SEMA6D: variants seen among roughly 807,000 people sequenced by gnomAD.
SEMA6D encodes semaphorin 6D, also known as semaphorin-6D.
SEMA6D carries 35 observed loss-of-function variants against 106.6 expected under a neutral mutation model. The ratio of observed to expected loss-of-function variants is 0.33; its 90% CI spans 0.25 to 0.44. The LOEUF (loss-of-function observed/expected upper bound fraction) is 0.44. Among genes scored for constraint, SEMA6D ranks in the 20% least tolerant of loss-of-function variants. The pLI is 1.00. For missense variants in SEMA6D, 1,185 were observed against 1,345.9 expected (o/e 0.88, Z 1.87); for synonymous variants, 499 against 487.7 (o/e 1.02, Z -0.31).
intron 1 of SEMA6D, among the ~76,000 whole-genome samples, chr15:47,391,746 A>T (rs2040040858): frequency 6.6e-6 from 1 of 150,392 alleles, no homozygotes. Context: ...TTCTTGTGGG[A>T]GTCTCTACTG....
chr15:47,714,632 T>A (rs950894177), upstream of SEMA6D, among the ~76,000 whole-genome samples: 24 of 152,336 alleles, frequency 1.6e-4, no homozygotes, highest in African/African-American at 5.8e-4. Flanking sequence ...ATGTAAAGCA[T>A]TGAGCCCTTT....
intron 4 of SEMA6D, among the ~76,000 whole-genome samples, chr15:47,708,431 A>G (rs557571595): frequency 6.6e-6 from 1 of 152,296 alleles, no homozygotes; most frequent in Non-Finnish European, 1.5e-5. Flanking sequence ...CTCAGCTTAT[A>G]GGCCCCACAT....
intron 3 of SEMA6D, among the ~76,000 whole-genome samples, chr15:47,540,046 GTGTGTGTGTGTGTGTT>G (rs1432249635): frequency 6.6e-6 from 1 of 150,960 alleles, no homozygotes; most frequent in Non-Finnish European, 1.5e-5. Flanking sequence ...ATATTTAGCT[GTGTGTGTGTGTGTGTT>G]TGTGTGTGTG....
chr15:47,622,422 C>T (rs2077123458), intron 4 of SEMA6D, among the ~76,000 whole-genome samples: 1 of 152,148 alleles, frequency 6.6e-6, no homozygotes, highest in African/African-American at 2.4e-5. Context: ...GAAATTCAGC[C>T]TATCCAAAGG....
chr15:47,521,537 C>T, intron 3 of SEMA6D, among the ~76,000 whole-genome samples: 1 of 152,172 alleles, frequency 6.6e-6, no homozygotes, highest in East Asian at 1.9e-4. Flanking sequence ...ATGGATGACT[C>T]CTACCATGGT....
At chr15:47,205,284 T>C (rs532019243) in intron 1 of SEMA6D, among the ~76,000 whole-genome samples, 5 of 152,166 alleles carry the variant, frequency 3.3e-5, no homozygotes, top group Non-Finnish European at 5.9e-5. Context: ...TTTGAAAATT[T>C]GATGTGATTA....
At chr15:47,582,717 G>A (rs1271753131) in intron 3 of SEMA6D, among the ~76,000 whole-genome samples, 1 of 152,126 alleles carries the variant, frequency 6.6e-6, no homozygotes, top group Non-Finnish European at 1.5e-5. Context: ...AACAGTCTGT[G>A]ATTCTCAGGC....
chr15:47,591,908 A>G, intron 3 of SEMA6D, among the ~76,000 whole-genome samples: 1 of 152,138 alleles, frequency 6.6e-6, no homozygotes, highest in Non-Finnish European at 1.5e-5. Flanking sequence ...TGACATTTGG[A>G]AAGAGCCACA....
chr15:47,196,143 T>G (rs1221510242), intron 1 of SEMA6D, among the ~76,000 whole-genome samples: 1 of 152,080 alleles, frequency 6.6e-6, no homozygotes, highest in Non-Finnish European at 1.5e-5. Context: ...AACTGGCATC[T>G]GAGGAGCTAT....
At chr15:47,348,708 CACACACACACCA>C (rs1309415011) in intron 1 of SEMA6D, among the ~76,000 whole-genome samples, 2 of 92,358 alleles carry the variant, frequency 2.2e-5, no homozygotes, top group African/African-American at 5.0e-5. Flanking sequence ...CACACACACA[CACACACACACCA>C]CACACACAGA....
chr15:47,306,938 G>C (rs777776579), intron 1 of SEMA6D, among the ~76,000 whole-genome samples: 1 of 152,114 alleles, frequency 6.6e-6, no homozygotes, highest in Non-Finnish European at 1.5e-5. Context: ...ATATATGTGC[G>C]TATGCCACTT....
At position 47,247,431 on chromosome 15, in the gene SEMA6D, G is replaced by GA. The variant is rs367842940; in HGVS notation, c.-239+63023dup. On this transcript the variant is annotated intron_variant, in intron 1 of 19. Coordinates refer to the SEMA6D transcript ENST00000558014. The stretch of plus-strand genomic sequence containing the variant: ...ATTGTTCCTCCTATATAGCAAAAGT[G>GA]AAAAAAAAAACTGTCATCCATTAAA... Among the ~76,000 whole-genome samples, 235 of 145,668 alleles carry GA rather than the reference G, an allele frequency of 1.6e-3. 1 individual carries two copies. Among genetic ancestry groups the GA allele is most frequent in the African/African-American group, 5.3e-3 (209 of 39,792 alleles).
intron 3 of SEMA6D, among the ~76,000 whole-genome samples, chr15:47,597,024 A>G (rs556182817): frequency 2.0e-5 from 3 of 152,240 alleles, no homozygotes; most frequent in African/African-American, 7.2e-5. Context: ...TTTGCAAGCA[A>G]TACCTCTGAT....
intron 1 of SEMA6D, among the ~76,000 whole-genome samples, chr15:47,379,077 C>G (rs1424172864): frequency 6.6e-6 from 1 of 152,196 alleles, no homozygotes; most frequent in Non-Finnish European, 1.5e-5. Flanking sequence ...AACATAATTT[C>G]CAAACCAGCT....
intron 4 of SEMA6D, among the ~76,000 whole-genome samples, chr15:47,694,197 G>A (rs1006560170): frequency 6.6e-6 from 1 of 152,068 alleles, no homozygotes; most frequent in Non-Finnish European, 1.5e-5. Context: ...GTTTTAACAA[G>A]CCCTCAAAAC....
At chr15:47,239,984 A>T (rs890005757) in intron 1 of SEMA6D, among the ~76,000 whole-genome samples, 1 of 152,202 alleles carries the variant, frequency 6.6e-6, no homozygotes, top group Non-Finnish European at 1.5e-5. Context: ...GAAATCCTTG[A>T]TATATCATAA....
chr15:47,361,115 T>C (rs151143023), intron 1 of SEMA6D, among the ~76,000 whole-genome samples: 7 of 152,332 alleles, frequency 4.6e-5, no homozygotes, highest in Admixed American at 1.3e-4. Context: ...CTCCTTTGGG[T>C]GTTCTCTTCC....
chr15:47,278,983 T>C (rs1011229967), intron 1 of SEMA6D, among the ~76,000 whole-genome samples: 3 of 145,148 alleles, frequency 2.1e-5, no homozygotes, highest in Admixed American at 7.0e-5. Flanking sequence ...ATCTCTGTTT[T>C]GGCACCAGTA....
chr15:47,404,524 C>T (rs1389200457), intron 1 of SEMA6D, among the ~76,000 whole-genome samples: 1 of 152,142 alleles, frequency 6.6e-6, no homozygotes, highest in African/African-American at 2.4e-5. Context: ...ACCACCACCT[C>T]TCTCTAAGAC....
Sources: gnomAD v4.1 joint callset for allele counts (sites outside exome capture counted in the v4.1 genomes callset) on GRCh38, gnomAD v4.1.1 for gene constraint, MANE v1.5 for transcripts, NCBI Gene and HGNC (gene_info 2026-07-23, HGNC 2026-07-21) for gene names.